Variants in CSTPP1 observed in about 807,000 individuals in gnomAD.
CSTPP1 encodes UPF0705 protein C11orf49.
At chr11:46,987,315 G>A in the CSTPP1 span, 2 of 1,609,972 alleles carry the variant, frequency 1.2e-6, no homozygotes, top group Non-Finnish European at 1.7e-6. Context: ...TGAATAGTAA[G>A]TACATGAATG....
At chr11:47,016,084 T>C in the CSTPP1 span, among the ~76,000 whole-genome samples, 1 of 152,088 alleles carries the variant, frequency 6.6e-6, no homozygotes, top group African/African-American at 2.4e-5. Flanking sequence ...GCCACTGTAC[T>C]CCAGCCTGGG....
At chr11:47,115,902 G>A in the CSTPP1 span, among the ~76,000 whole-genome samples, 6 of 152,074 alleles carry the variant, frequency 3.9e-5, no homozygotes, top group Admixed American at 3.9e-4. Context: ...TCTTTTAATT[G>A]TGATGTTAGG....
At chr11:47,101,569 G>A in the CSTPP1 span, among the ~76,000 whole-genome samples, 9 of 151,474 alleles carry the variant, frequency 5.9e-5, no homozygotes, top group South Asian at 2.1e-4. Flanking sequence ...GCCTGTCATC[G>A]GAACCCTGCA....
At chr11:47,054,371 A>G in the CSTPP1 span, among the ~76,000 whole-genome samples, 1 of 151,136 alleles carries the variant, frequency 6.6e-6, no homozygotes, top group African/African-American at 2.4e-5. Context: ...TGGCATGATC[A>G]TATGATCATA....
At chr11:47,136,489 C>T in the CSTPP1 span, among the ~76,000 whole-genome samples, 24 of 152,332 alleles carry the variant, frequency 1.6e-4, no homozygotes, top group African/African-American at 5.3e-4. Context: ...GTCAAACTCT[C>T]TGTCCCCACC....
the CSTPP1 span, among the ~76,000 whole-genome samples, chr11:47,162,689 G>C: frequency 1.7e-3 from 258 of 152,248 alleles, 2 homozygotes; most frequent in African/African-American, 6.1e-3. Flanking sequence ...TTGGATTGAG[G>C]GCTGAAGGGG....
At chr11:46,972,626 T>G in the CSTPP1 span, among the ~76,000 whole-genome samples, 1 of 152,200 alleles carries the variant, frequency 6.6e-6, no homozygotes, top group Non-Finnish European at 1.5e-5. Context: ...AGAGAAGTTG[T>G]GCTTCCCCTT....
chr11:47,067,848 T>C, the CSTPP1 span, among the ~76,000 whole-genome samples: 4 of 152,256 alleles, frequency 2.6e-5, no homozygotes, highest in African/African-American at 9.6e-5. Context: ...CATTTTATTT[T>C]GCATGTTGAC....
chr11:47,145,584 C>A, the CSTPP1 span, among the ~76,000 whole-genome samples: 2 of 152,028 alleles, frequency 1.3e-5, no homozygotes, highest in South Asian at 4.1e-4. Flanking sequence ...TGCACTCCAG[C>A]CTGGGTGACA....
chr11:47,136,657 T>C, the CSTPP1 span, among the ~76,000 whole-genome samples: 7 of 152,196 alleles, frequency 4.6e-5, no homozygotes, highest in Admixed American at 2.0e-4. Context: ...CAAGTGCCTG[T>C]GATCATCATC....
At chr11:47,146,105 G>A in the CSTPP1 span, among the ~76,000 whole-genome samples, 1 of 152,078 alleles carries the variant, frequency 6.6e-6, no homozygotes, top group Middle Eastern at 3.2e-3. Flanking sequence ...GCTCACGCCT[G>A]TAATCCCAGC....
chr11:47,114,025 T>A, the CSTPP1 span, among the ~76,000 whole-genome samples: 1 of 152,234 alleles, frequency 6.6e-6, no homozygotes, highest in African/African-American at 2.4e-5. Context: ...AATTTTTGTA[T>A]AAGATGTAAG....
At chr11:47,107,319 A>G in the CSTPP1 span, among the ~76,000 whole-genome samples, 1 of 152,184 alleles carries the variant, frequency 6.6e-6, no homozygotes, top group Admixed American at 6.5e-5. Context: ...AAGAGGAACG[A>G]TTGAGTCCTT....
the CSTPP1 span, among the ~76,000 whole-genome samples, chr11:47,095,128 G>T: frequency 6.6e-6 from 1 of 152,150 alleles, no homozygotes; most frequent in Admixed American, 6.5e-5. Flanking sequence ...AGTAATCATT[G>T]CATCTTTTTC....
chr11:47,140,416 TTTTGTTTG>T, the CSTPP1 span, among the ~76,000 whole-genome samples: 4 of 152,040 alleles, frequency 2.6e-5, no homozygotes, highest in Non-Finnish European at 4.4e-5. Context: ...TTAAAAACAT[TTTTGTTTG>T]TTTGTTTGTT....
chr11:47,005,039 A>G, the CSTPP1 span, among the ~76,000 whole-genome samples: 1 of 152,164 alleles, frequency 6.6e-6, no homozygotes, highest in East Asian at 1.9e-4. Context: ...ACACTCTCAT[A>G]CTTTACCTTC....
the CSTPP1 span, among the ~76,000 whole-genome samples, chr11:46,970,594 A>G: frequency 1.3e-5 from 2 of 152,034 alleles, no homozygotes; most frequent in African/African-American, 4.8e-5. Context: ...ATAATTTTAC[A>G]TATAAAAATT....
At chr11:46,991,126 A>G in the CSTPP1 span, among the ~76,000 whole-genome samples, 105 of 151,880 alleles carry the variant, frequency 6.9e-4, no homozygotes, top group Non-Finnish European at 1.2e-3. Flanking sequence ...CATTCTAAGA[A>G]AGGAAGAGTA....
the CSTPP1 span, among the ~76,000 whole-genome samples, chr11:46,959,105 C>G: frequency 6.6e-6 from 1 of 151,958 alleles, no homozygotes; most frequent in African/African-American, 2.4e-5. Flanking sequence ...ATTTCTACTC[C>G]ATTTAAAAAA....
Sources: gnomAD v4.1 joint callset for allele counts (sites outside exome capture counted in the v4.1 genomes callset) on GRCh38, gnomAD v4.1.1 for gene constraint, MANE v1.5 for transcripts, NCBI Gene and HGNC (gene_info 2026-07-23, HGNC 2026-07-21) for gene names.